SPMIP4: variants seen among roughly 807,000 people sequenced by gnomAD.
SPMIP4 encodes sperm microtubule inner protein 4.
chr7:25,176,892 T>C, the SPMIP4 span, among the ~76,000 whole-genome samples: 7 of 152,226 alleles, frequency 4.6e-5, no homozygotes, highest in African/African-American at 1.4e-4. This position sits in a 1 kb window ranked among gnomAD's most constrained non-coding sequence, Gnocchi z 4.4. Context: ...CTGATCGAGA[T>C]GGTGAAAGGC....
the SPMIP4 span, among the ~76,000 whole-genome samples, chr7:25,143,507 G>A: frequency 6.6e-6 from 1 of 151,908 alleles, no homozygotes; most frequent in Non-Finnish European, 1.5e-5. Flanking sequence ...TTGGCTAGTA[G>A]GGGAGATAAA....
At chr7:25,167,481 T>G in the SPMIP4 span, among the ~76,000 whole-genome samples, 1 of 152,244 alleles carries the variant, frequency 6.6e-6, no homozygotes, top group South Asian at 2.1e-4. Flanking sequence ...TATGTTGATG[T>G]CTGAATCTTT....
At chr7:25,162,173 A>C in the SPMIP4 span, among the ~76,000 whole-genome samples, 3 of 151,592 alleles carry the variant, frequency 2.0e-5, no homozygotes, top group Non-Finnish European at 4.4e-5. Context: ...CGGGAGGCTG[A>C]GGCATGAGAA....
At chr7:25,132,039 TTTA>T in the SPMIP4 span, among the ~76,000 whole-genome samples, 4 of 152,126 alleles carry the variant, frequency 2.6e-5, no homozygotes, top group South Asian at 8.3e-4. This position sits in a 1 kb window ranked among gnomAD's most constrained non-coding sequence, Gnocchi z 5.0. Flanking sequence ...AGTTGCAAGA[TTTA>T]ATAGAGTGAA....
At chr7:25,148,714 A>G in the SPMIP4 span, among the ~76,000 whole-genome samples, 1 of 152,150 alleles carries the variant, frequency 6.6e-6, no homozygotes, top group African/African-American at 2.4e-5. Flanking sequence ...ACCTCAACTG[A>G]TCCACCTGCC....
At chr7:25,168,380 G>C in the SPMIP4 span, 1 of 1,613,418 alleles carries the variant, frequency 6.2e-7, no homozygotes, top group Non-Finnish European at 8.5e-7. Flanking sequence ...TCCTCGGGGA[G>C]TGAAATCGGT....
chr7:25,128,471 G>T, the SPMIP4 span, among the ~76,000 whole-genome samples: 52 of 152,140 alleles, frequency 3.4e-4, no homozygotes, highest in African/African-American at 1.2e-3. The surrounding 1 kb of genome is among the most constrained non-coding windows in gnomAD (Gnocchi z 4.5). Flanking sequence ...CCTTCCCCAT[G>T]ACCACCATTG....
the SPMIP4 span, among the ~76,000 whole-genome samples, chr7:25,175,480 G>C: frequency 6.6e-6 from 1 of 152,150 alleles, no homozygotes; most frequent in Admixed American, 6.5e-5. Context: ...GCTGATGTGA[G>C]GAAATCGTTT....
chr7:25,179,112 A>G, the SPMIP4 span: 3 of 1,490,456 alleles, frequency 2.0e-6, no homozygotes, highest in Non-Finnish European at 2.7e-6. Context: ...TCCTCACATA[A>G]TAAAATACAC....
the SPMIP4 span, chr7:25,155,233 G>C: frequency 5.6e-5 from 83 of 1,483,144 alleles, no homozygotes; most frequent in South Asian, 1.1e-3. Context: ...GAAAAGAACA[G>C]AAAGAAGTAT....
At chr7:25,135,994 T>C in the SPMIP4 span, 1 of 1,606,922 alleles carries the variant, frequency 6.2e-7, no homozygotes, top group Non-Finnish European at 8.5e-7. Flanking sequence ...ATAATAGGAA[T>C]TATGGCCATA....
the SPMIP4 span, among the ~76,000 whole-genome samples, chr7:25,140,503 TGTTG>T: frequency 6.6e-6 from 1 of 152,146 alleles, no homozygotes; most frequent in South Asian, 2.1e-4. Flanking sequence ...GGTTTCACCA[TGTTG>T]GCCAGGCTGG....
chr7:25,142,288 T>C, the SPMIP4 span: 37 of 1,613,270 alleles, frequency 2.3e-5, no homozygotes, highest in Non-Finnish European at 3.0e-5. Context: ...GCTACCATCT[T>C]TTCATGGTAA....
the SPMIP4 span, among the ~76,000 whole-genome samples, chr7:25,156,460 A>C: frequency 2.6e-5 from 4 of 152,184 alleles, no homozygotes; most frequent in African/African-American, 9.7e-5. Flanking sequence ...AGGGTTCTTC[A>C]CTTTGTCGTT....
the SPMIP4 span, chr7:25,168,387 C>T: frequency 1.6e-4 from 252 of 1,613,298 alleles, no homozygotes; most frequent in Middle Eastern, 4.3e-3. Flanking sequence ...GGAGTGAAAT[C>T]GGTATTATCC....
At chr7:25,142,494 A>T in the SPMIP4 span, 1 of 853,900 alleles carries the variant, frequency 1.2e-6, no homozygotes, top group Non-Finnish European at 1.7e-6. Flanking sequence ...GAAATTTACC[A>T]CCCACCTTAA....
chr7:25,134,234 C>A, the SPMIP4 span, among the ~76,000 whole-genome samples: 1 of 151,180 alleles, frequency 6.6e-6, no homozygotes, highest in Non-Finnish European at 1.5e-5. Flanking sequence ...CATTCCAGCC[C>A]AGGCAACAGT....
the SPMIP4 span, among the ~76,000 whole-genome samples, chr7:25,170,169 T>G: frequency 6.7e-6 from 1 of 148,734 alleles, no homozygotes; most frequent in Non-Finnish European, 1.5e-5. Context: ...TGTATGAGGA[T>G]TCCAGTATCT....
the SPMIP4 span, among the ~76,000 whole-genome samples, chr7:25,177,829 CA>C: frequency 5.9e-5 from 9 of 151,814 alleles, no homozygotes; most frequent in Admixed American, 5.9e-4. Context: ...TTTCTAGGTT[CA>C]GGGGGACATA....
Sources: gnomAD v4.1 joint callset for allele counts (sites outside exome capture counted in the v4.1 genomes callset) on GRCh38, gnomAD v4.1.1 for gene constraint, Gnocchi (gnomAD v3.1) non-coding constraint, MANE v1.5 for transcripts, NCBI Gene and HGNC (gene_info 2026-07-23, HGNC 2026-07-21) for gene names.